Variants in GRXCR1 observed in about 807,000 individuals in gnomAD.
GRXCR1 encodes glutaredoxin and cysteine rich domain containing 1, also known as glutaredoxin domain-containing cysteine-rich protein 1.
A neutral mutation model predicts 27.3 loss-of-function variants in GRXCR1; 27 were observed. The observed-to-expected ratio is 0.99, with a 90% confidence interval of 0.73 to 1.37. The LOEUF is 1.37. GRXCR1 is among the 40% of genes most tolerant of loss of function. The probability of loss-of-function intolerance (pLI) is 0.00; values close to 1 mark genes in which losing one functional copy is unlikely to be tolerated. For synonymous variants in GRXCR1, 122 were observed against 131.1 expected (o/e 0.93, Z 0.47); for missense variants, 379 against 354.4 (o/e 1.07, Z -0.56).
At chr4:43,030,059 G>C (rs1713372116) in intron 3 of GRXCR1, among the ~76,000 whole-genome samples, 1 of 152,130 alleles carries the variant, frequency 6.6e-6, no homozygotes, top group Non-Finnish European at 1.5e-5. Flanking sequence ...TATTTGGTTT[G>C]TAGACAGATG....
intron 1 of GRXCR1, among the ~76,000 whole-genome samples, chr4:42,919,336 C>G (rs1257787445): frequency 6.6e-6 from 1 of 152,052 alleles, no homozygotes; most frequent in Admixed American, 6.6e-5. Flanking sequence ...TGTTTTATAC[C>G]TGGCCCATGT....
intron 2 of GRXCR1, among the ~76,000 whole-genome samples, chr4:43,010,463 A>G (rs1712711517): frequency 6.6e-6 from 1 of 151,880 alleles, no homozygotes; most frequent in South Asian, 2.1e-4. Flanking sequence ...CTGACATCTT[A>G]CTTGCAAGGG....
At chr4:42,926,355 T>C (rs968112235) in intron 1 of GRXCR1, among the ~76,000 whole-genome samples, 6 of 152,066 alleles carry the variant, frequency 3.9e-5, no homozygotes, top group Non-Finnish European at 8.8e-5. Context: ...TTTTATTTAC[T>C]TGTGTATCAC....
At chr4:42,941,325 G>A (rs969721786) in intron 1 of GRXCR1, among the ~76,000 whole-genome samples, 6 of 151,932 alleles carry the variant, frequency 3.9e-5, no homozygotes, top group Non-Finnish European at 8.8e-5. Flanking sequence ...AGAAGGTACT[G>A]GAAAAACTCT....
chr4:42,919,072 A>C (rs1662154920), intron 1 of GRXCR1, among the ~76,000 whole-genome samples: 1 of 152,176 alleles, frequency 6.6e-6, no homozygotes, highest in African/African-American at 2.4e-5. Flanking sequence ...GGTTAAAAAA[A>C]CCTGTATTAG....
chr4:43,025,117 A>C (rs1244858603), intron 3 of GRXCR1, among the ~76,000 whole-genome samples: 7 of 152,260 alleles, frequency 4.6e-5, no homozygotes, highest in African/African-American at 1.7e-4. Flanking sequence ...TACATCTTGA[A>C]ATTTGAAACT....
intron 1 of GRXCR1, among the ~76,000 whole-genome samples, chr4:42,916,893 T>G (rs974333789): frequency 6.6e-6 from 1 of 152,184 alleles, no homozygotes; most frequent in Non-Finnish European, 1.5e-5. Context: ...TCCCTATGGT[T>G]ATTAGTCCGT....
chr4:43,023,588 G>A (rs941282857), intron 3 of GRXCR1, among the ~76,000 whole-genome samples: 1 of 152,116 alleles, frequency 6.6e-6, no homozygotes, highest in Non-Finnish European at 1.5e-5. Context: ...CAGTAGAGTT[G>A]GTTGTACCAA....
chr4:42,977,812 T>C (rs1392668318), intron 2 of GRXCR1, among the ~76,000 whole-genome samples: 2 of 152,182 alleles, frequency 1.3e-5, no homozygotes, highest in Middle Eastern at 3.4e-3. Context: ...TAATTCAATG[T>C]AACACCAGTT....
chr4:42,932,240 T>A (rs891961969), intron 1 of GRXCR1, among the ~76,000 whole-genome samples: 1 of 151,788 alleles, frequency 6.6e-6, no homozygotes, highest in Non-Finnish European at 1.5e-5. Flanking sequence ...CTCCTCTTGA[T>A]GTATGCATTA....
intron 1 of GRXCR1, among the ~76,000 whole-genome samples, chr4:42,945,489 C>G (rs977540507): frequency 1.3e-5 from 2 of 152,074 alleles, no homozygotes; most frequent in Admixed American, 6.6e-5. Context: ...GGAGTGGTAA[C>G]ACCATGTCTG....
chr4:42,903,514 A>C (rs958861574), intron 1 of GRXCR1, among the ~76,000 whole-genome samples: 1 of 146,664 alleles, frequency 6.8e-6, no homozygotes, highest in Non-Finnish European at 1.5e-5. Context: ...GGGTTTAACC[A>C]TGTTAGCCAG....
At chr4:43,030,029 C>T (rs191267479) in intron 3 of GRXCR1, among the ~76,000 whole-genome samples, 1 of 152,218 alleles carries the variant, frequency 6.6e-6, no homozygotes, top group Admixed American at 6.5e-5. Context: ...TCCCTTAATA[C>T]AAAAAGCCAG....
intron 1 of GRXCR1, among the ~76,000 whole-genome samples, chr4:42,911,113 C>T (rs1746713673): frequency 6.6e-6 from 1 of 152,170 alleles, no homozygotes; most frequent in South Asian, 2.1e-4. Context: ...TCCTGAGTGC[C>T]TAGCATAGTA....
intron 2 of GRXCR1, among the ~76,000 whole-genome samples, chr4:42,975,464 A>G (rs1748492993): frequency 6.6e-6 from 1 of 152,138 alleles, no homozygotes; most frequent in African/African-American, 2.4e-5. Context: ...TGATTAATTA[A>G]TAGCACCTAA....
chr4:42,987,222 T>TATATATATATTATATA (rs369022273), intron 2 of GRXCR1, among the ~76,000 whole-genome samples: 1 of 100,594 alleles, frequency 9.9e-6, no homozygotes, highest in African/African-American at 3.8e-5. Context: ...TATATATATA[T>TATATATATATTATATA]TATATATTAT....
chr4:42,963,541 T>C (rs1362851401), intron 2 of GRXCR1, among the ~76,000 whole-genome samples: 3 of 151,914 alleles, frequency 2.0e-5, no homozygotes, highest in South Asian at 2.1e-4. Flanking sequence ...GAACCTAAGA[T>C]GATAGTCCTG....
chr4:43,010,402 T>C (rs1413203247), intron 2 of GRXCR1, among the ~76,000 whole-genome samples: 1 of 133,336 alleles, frequency 7.5e-6, no homozygotes, highest in Non-Finnish European at 1.5e-5. Flanking sequence ...AAACTCCATC[T>C]CAAAAAAAAA....
At chr4:42,987,240 T>TATTATATATATAG (rs1426137068) in intron 2 of GRXCR1, among the ~76,000 whole-genome samples, 1 of 63,100 alleles carries the variant, frequency 1.6e-5, no homozygotes, top group African/African-American at 5.2e-5. Context: ...TATATATATA[T>TATTATATATATAG]AATATATAAT....
Sources: gnomAD v4.1 joint callset for allele counts (sites outside exome capture counted in the v4.1 genomes callset) on GRCh38, gnomAD v4.1.1 for gene constraint, MANE v1.5 for transcripts, NCBI Gene and HGNC (gene_info 2026-07-23, HGNC 2026-07-21) for gene names.